CASZ1: variants seen among roughly 807,000 people sequenced by gnomAD.
CASZ1 encodes zinc finger protein castor homolog 1.
A neutral mutation model predicts 135.2 loss-of-function variants in CASZ1; 28 were observed. The observed-to-expected ratio is 0.21, with a 90% confidence interval of 0.15 to 0.28. The LOEUF (loss-of-function observed/expected upper bound fraction) is 0.28. Among genes scored for constraint, CASZ1 ranks in the 10% least tolerant of loss-of-function variants. The probability of loss-of-function intolerance (pLI) is 1.00; values close to 1 mark genes in which losing one functional copy is unlikely to be tolerated. For synonymous variants in CASZ1, 1,068 were observed against 1,073.4 expected (o/e 0.99, Z 0.10); for missense variants, 2,161 against 2,453.3 (o/e 0.88, Z 2.52).
chr1:10,640,969 G>C (rs566703768), intron 20 of CASZ1, among the ~76,000 whole-genome samples: 1 of 152,180 alleles, frequency 6.6e-6, no homozygotes, highest in Non-Finnish European at 1.5e-5. Flanking sequence ...GGCTCCCCAC[G>C]CCACCCTCCA....
intron 2 of CASZ1, among the ~76,000 whole-genome samples, chr1:10,736,079 C>T (rs1410170055): frequency 1.3e-5 from 2 of 152,152 alleles, no homozygotes; most frequent in Non-Finnish European, 2.9e-5. Context: ...TCCCAGTGGC[C>T]ACACCCAACC....
intron 15 of CASZ1, 189 bp from the exon 16 acceptor site, chr1:10,648,328 T>C (rs2124674677): frequency 3.8e-6 from 2 of 524,430 alleles, no homozygotes; most frequent in African/African-American, 2.0e-5. Flanking sequence ...CGTCCCCTGG[T>C]TCCGAACTTG....
chr1:10,715,513 ACCCCACAGCACCCAATCCGCC>A (rs1639362364), intron 2 of CASZ1, among the ~76,000 whole-genome samples: 2 of 142,236 alleles, frequency 1.4e-5, no homozygotes, highest in Non-Finnish European at 3.1e-5. Flanking sequence ...CCCAATCCAC[ACCCCACAGCACCCAATCCGCC>A]CCCCACAGCA....
At position 10,727,468 on chromosome 1, in the gene CASZ1, A is replaced by G. The variant is rs1639618223; in HGVS notation, c.-76-21924T>C. Among the ~76,000 whole-genome samples, 1 of 151,444 alleles carries G rather than the reference A, an allele frequency of 6.6e-6. No homozygotes were observed. Among genetic ancestry groups the G allele is most frequent in the Admixed American group, 6.6e-5 (1 of 15,232 alleles). On this transcript the variant is annotated intron_variant, in intron 2 of 20. Coordinates refer to ENST00000377022, the MANE Select transcript of CASZ1 (RefSeq NM_001079843.3). This position sits in a 1 kb window ranked among gnomAD's most constrained non-coding sequence, Gnocchi z 5.3. ...CTCCTTGAACCCCCGGGCCCAGGGG[A>G]TTCAGCACAGCCCAACAGTGCCCCA... is the stretch of plus-strand genomic sequence containing the variant.
intron 2 of CASZ1, among the ~76,000 whole-genome samples, chr1:10,715,003 C>T (rs1639351801): frequency 6.6e-6 from 1 of 152,232 alleles, no homozygotes; most frequent in South Asian, 2.1e-4. Flanking sequence ...CGGGCCTAAC[C>T]TTGGTCCAGG....
In CASZ1 at chr1:10,647,578, C is replaced by T. The variant is rs1642401945; in HGVS notation, c.3497+223G>A. ...GCCCTGCAGGAGCAGTAGCCACTGC[C>T]GCCACCATCGGCCCACGCGGGCTGG... On this transcript the variant is annotated intron_variant, in intron 16 of 20. Transcript: ENST00000377022. This position sits in a 1 kb window ranked among gnomAD's most constrained non-coding sequence, Gnocchi z 4.9. 5 of 1,418,228 alleles carry T rather than the reference C, an allele frequency of 3.5e-6. No homozygotes were observed. Among genetic ancestry groups the T allele is most frequent in the African/African-American group, 1.4e-5 (1 of 69,268 alleles). 87.9% of individuals were successfully genotyped at this position (1,418,228 alleles called of 1,614,324 possible).
rs753155962 is a variant in CASZ1 at position 10,644,938 on chromosome 1, G to A, written c.3847C>T (p.Arg1283Cys). Residue 1283 changes from arginine (R) to cysteine (C), a missense_variant, in exon 18 of 21, where the codon CGC (arginine) becomes TGC (cysteine). Transcript: ENST00000377022. ...GTACCTAGCCTGCCACACTCCTCGC[G>A]CTTGGTGAAGTATTTGAAGCCATTG... ...AANGFKYFTK[R>C]EECGRLGCKY... 1.1e-5 allele frequency: 17 copies of A among 1,613,572 alleles called. No individual in the cohort carries two copies. The highest frequency in any genetic ancestry group is 1.7e-5 in the Admixed American group (1 of 59,988).
chr1:10,716,639 G>A (rs1639400126), intron 2 of CASZ1, among the ~76,000 whole-genome samples: 1 of 152,252 alleles, frequency 6.6e-6, no homozygotes, highest in African/African-American at 2.4e-5. Context: ...ACAGGCGGAA[G>A]TGGCACTCTG....
intron 2 of CASZ1, among the ~76,000 whole-genome samples, chr1:10,758,148 A>G (rs748469769): frequency 1.1e-4 from 17 of 152,104 alleles, no homozygotes; most frequent in Non-Finnish European, 2.4e-4. Context: ...CAGGAGTGCC[A>G]AGCAGTCACT....
Position 10,665,158 on chromosome 1 carries a change from C to G in CASZ1, c.430G>C (p.Gly144Arg), listed in dbSNP as rs779584106. Reference sequence around the variant, plus strand: ...TCCGAATCCTTCTCCTCCAGGGCACCGCCGTCCTTGGAGGGCTCCTCCGCG... The same window carrying G: ...TCCGAATCCTTCTCCTCCAGGGCACGGCCGTCCTTGGAGGGCTCCTCCGCG... ...DHAEEPSKDG[G>R]ALEEKDSDGA... is the part of the protein sequence containing the mutation. Residue 144 changes from glycine (G) to arginine (R), a missense_variant, in exon 5 of 21, where the codon GGT becomes CGT. This residue lies in a region of CASZ1 where 590 missense variants were observed against 609.8 expected (regional missense o/e 0.97). Coordinates refer to ENST00000377022, the MANE Select transcript of CASZ1 (RefSeq NM_001079843.3). 1 of 1,547,108 alleles carries G rather than the reference C, an allele frequency of 6.5e-7. No individual in the cohort carries two copies. The highest frequency in any genetic ancestry group is 1.9e-5 in the Admixed American group (1 of 52,152).
At chr1:10,692,185 T>C (rs117407498) in intron 4 of CASZ1, among the ~76,000 whole-genome samples, 2 of 152,302 alleles carry the variant, frequency 1.3e-5, no homozygotes, top group East Asian at 3.9e-4. Context: ...CACGACAGAC[T>C]TGGAGGGACT....
chr1:10,703,711 C>T (rs944458733), intron 3 of CASZ1, among the ~76,000 whole-genome samples: 1 of 152,112 alleles, frequency 6.6e-6, no homozygotes, highest in Non-Finnish European at 1.5e-5. Flanking sequence ...TAAAACCTCT[C>T]GAGCGGGGGC....
intron 4 of CASZ1, among the ~76,000 whole-genome samples, chr1:10,667,419 C>T (rs999550729): frequency 1.1e-4 from 16 of 152,218 alleles, no homozygotes; most frequent in African/African-American, 3.9e-4. Context: ...AGCCGATGCC[C>T]ACTCTACCCA....
Position 10,724,283 on chromosome 1 carries a change from C to T in CASZ1, c.-76-18739G>A, listed in dbSNP as rs1025497019. Among the ~76,000 whole-genome samples, 4 of 152,242 alleles carry T rather than the reference C, an allele frequency of 2.6e-5. No individual in the cohort carries two copies. The highest frequency in any genetic ancestry group is 4.4e-5 in the Non-Finnish European group (3 of 68,052). Reference sequence around the variant, plus strand: ...CGGCCCCCTCCCCAGCACCAAGAACCTTTCTGAGGAAATCAAAGTGAACGC... The same window carrying T: ...CGGCCCCCTCCCCAGCACCAAGAACTTTTCTGAGGAAATCAAAGTGAACGC... On this transcript the variant is annotated intron_variant, in intron 2 of 20. Coordinates refer to ENST00000377022, the MANE Select transcript of CASZ1 (RefSeq NM_001079843.3). This position sits in a 1 kb window ranked among gnomAD's most constrained non-coding sequence, Gnocchi z 4.1.
chr1:10,682,873 C>T (rs1638472034), intron 4 of CASZ1, among the ~76,000 whole-genome samples: 1 of 152,352 alleles, frequency 6.6e-6, no homozygotes, highest in African/African-American at 2.4e-5. Context: ...CATCTGTGGC[C>T]CTGCGTGGTG....
At chr1:10,764,087 T>C (rs2100581056) in intron 1 of CASZ1, among the ~76,000 whole-genome samples, 2 of 152,348 alleles carry the variant, frequency 1.3e-5, no homozygotes, top group South Asian at 4.1e-4. Context: ...GGTCTCGAAC[T>C]CCTGACCTCA....
chr1:10,761,793 C>T (rs1640380368), intron 1 of CASZ1, among the ~76,000 whole-genome samples: 1 of 152,220 alleles, frequency 6.6e-6, no homozygotes, highest in African/African-American at 2.4e-5. Context: ...GACCTCCCAG[C>T]CCTGGAAGCC....
chr1:10,695,450 C>T (rs1211212271), intron 3 of CASZ1, among the ~76,000 whole-genome samples: 2 of 152,064 alleles, frequency 1.3e-5, no homozygotes, highest in Non-Finnish European at 1.5e-5. Context: ...CCCATGATCC[C>T]GGCCATCACT....
At chr1:10,645,976 T>C in intron 17 of CASZ1, 152 bp downstream of exon 17, 1 of 760,330 alleles carries the variant, frequency 1.3e-6, no homozygotes, top group Admixed American at 2.2e-5. Flanking sequence ...TAGGGGCAGA[T>C]GGTGCTCTTT....
Sources: gnomAD v4.1 joint callset for allele counts (sites outside exome capture counted in the v4.1 genomes callset) on GRCh38, gnomAD v4.1.1 for gene constraint, gnomAD v4.1.1 regional missense constraint, Gnocchi (gnomAD v3.1) non-coding constraint, MANE v1.5 for transcripts, NCBI Gene and HGNC (gene_info 2026-07-23, HGNC 2026-07-21) for gene names.